Variants in NUP62CL observed in about 807,000 individuals in gnomAD.
NUP62CL encodes the protein nucleoporin 62 C-terminal like.
Under a neutral mutation model 15.3 loss-of-function variants are expected in NUP62CL, and 13 were observed. The ratio of observed to expected loss-of-function variants is 0.85; its 90% CI spans 0.55 to 1.35. The LOEUF (loss-of-function observed/expected upper bound fraction) is 1.35, where lower values mean the gene tolerates loss of function less well. NUP62CL is among the 40% of genes most tolerant of loss of function. The pLI is 0.00. For missense variants in NUP62CL, 123 were observed against 130.6 expected (o/e 0.94, Z 0.28); for synonymous variants, 54 against 49.2 (o/e 1.10, Z -0.41).
chrX:107,126,849 C>A (rs754406464), intron 8 of NUP62CL, among the ~76,000 whole-genome samples: 3 of 111,799 alleles, frequency 2.7e-5, no homozygotes, highest in African/African-American at 9.8e-5. Context: ...GCCTGGCCAA[C>A]CTTGTGAAAC....
intron 8 of NUP62CL, among the ~76,000 whole-genome samples, chrX:107,139,895 A>G (rs778352975): frequency 8.9e-6 from 1 of 111,991 alleles, no homozygotes; most frequent in African/African-American, 3.2e-5. Context: ...CTCACTACTC[A>G]TAGATTCTTT....
intron 8 of NUP62CL, among the ~76,000 whole-genome samples, chrX:107,143,354 G>T (rs1905301942): frequency 9.1e-6 from 1 of 110,445 alleles, no homozygotes; most frequent in African/African-American, 3.3e-5. Flanking sequence ...CCAAGTAGCT[G>T]GAACCACAGG....
chrX:107,135,751 G>A (rs899547721), intron 8 of NUP62CL, among the ~76,000 whole-genome samples: 6 of 111,508 alleles, frequency 5.4e-5, no homozygotes, highest in African/African-American at 2.0e-4. Flanking sequence ...CTTAGGCATG[G>A]TTTCACTTTA....
chrX:107,156,779 A>G lies in NUP62CL; in HGVS notation c.195-2533T>C, dbSNP rs750929418. Among the ~76,000 whole-genome samples the G allele has an allele frequency of 7.4e-5, 8 of 107,749 alleles. No individual in the cohort carries two copies. The South Asian group carries it at 3.5e-3, about 47-fold the overall frequency. The allele number at this position is 107,749 out of a possible 115,157, so 93.6% of individuals were successfully genotyped here. A position where few individuals can be genotyped will look rare whatever the true frequency, so the allele number is the denominator to read the frequency against. ...CCAGCAACGGAACAAAGCTGGATGG[A>G]GAATGATTTTGACGAGCTGAGAGGA... is the stretch of plus-strand genomic sequence containing the variant. On this transcript the variant is annotated intron_variant, in intron 4 of 8. Transcript: ENST00000372466.
chrX:107,150,246 G>T (rs1925978485), intron 7 of NUP62CL, among the ~76,000 whole-genome samples: 1 of 111,281 alleles, frequency 9.0e-6, no homozygotes, highest in Non-Finnish European at 1.9e-5. Flanking sequence ...AGAATGAACT[G>T]GCTAGTAAGT....
At chrX:107,184,309 AAGAAAG>A (rs1373968925) in intron 2 of NUP62CL, among the ~76,000 whole-genome samples, 9 of 33,920 alleles carry the variant, frequency 2.7e-4, no homozygotes, top group African/African-American at 1.4e-3. Flanking sequence ...GAAAGAAAGA[AAGAAAG>A]AAAGAAAGAA....
chrX:107,191,924 A>C (rs191043098), intron 2 of NUP62CL, among the ~76,000 whole-genome samples: 91 of 112,078 alleles, frequency 8.1e-4, no homozygotes, highest in Admixed American at 2.7e-3. Context: ...TTAATATTTA[A>C]ATTAATCCTC....
At chrX:107,160,915 G>T (rs1481873239) in intron 4 of NUP62CL, among the ~76,000 whole-genome samples, 15 of 108,085 alleles carry the variant, frequency 1.4e-4, no homozygotes, top group Admixed American at 6.9e-4. Context: ...AATCTACAAT[G>T]AACTCAAACA....
chrX:107,131,811 T>C, intron 8 of NUP62CL: 1 of 1,132,679 alleles, frequency 8.8e-7, no homozygotes, highest in Non-Finnish European at 1.2e-6. Flanking sequence ...TGGACAGCTG[T>C]GTCTTTGCTG....
chrX:107,154,723 C>A (rs979790138), intron 4 of NUP62CL, among the ~76,000 whole-genome samples: 1 of 111,618 alleles, frequency 9.0e-6, no homozygotes, highest in Non-Finnish European at 1.9e-5. Flanking sequence ...CAAGTGGTAT[C>A]AAAAAAGGCT....
At chrX:107,156,878 G>GA (rs1266667767) in intron 4 of NUP62CL, among the ~76,000 whole-genome samples, 1 of 93,697 alleles carries the variant, frequency 1.1e-5, no homozygotes, top group Non-Finnish European at 2.1e-5. Flanking sequence ...TGAAAACTTT[G>GA]AAAAAAATTT....
At chrX:107,194,910 G>T (rs968826847) in intron 1 of NUP62CL, among the ~76,000 whole-genome samples, 7 of 99,861 alleles carry the variant, frequency 7.0e-5, no homozygotes, top group Admixed American at 2.3e-4. Flanking sequence ...TCCGCGTCCC[G>T]GATTCAAGCA....
chrX:107,140,273 T>A (rs1925736445), intron 8 of NUP62CL, among the ~76,000 whole-genome samples: 1 of 111,999 alleles, frequency 8.9e-6, no homozygotes, highest in African/African-American at 3.2e-5. Context: ...TATTCAAGTC[T>A]CATTTCAAAT....
chrX:107,174,248 C>T (rs1361385700), intron 3 of NUP62CL, among the ~76,000 whole-genome samples: 1 of 105,399 alleles, frequency 9.5e-6, no homozygotes, highest in Non-Finnish European at 1.9e-5. Flanking sequence ...ACCTCCTGGG[C>T]TCAAGCAATC....
intron 1 of NUP62CL, among the ~76,000 whole-genome samples, chrX:107,195,442 A>G (rs1207974089): frequency 8.9e-6 from 1 of 112,071 alleles, no homozygotes; most frequent in African/African-American, 3.2e-5. Context: ...CTGTGCATGC[A>G]GGAACAACTA....
intron 4 of NUP62CL, among the ~76,000 whole-genome samples, chrX:107,154,545 C>G: frequency 8.9e-6 from 1 of 111,964 alleles, no homozygotes; most frequent in Non-Finnish European, 1.9e-5. Flanking sequence ...TCCCCTCATC[C>G]CAGCTCAGCA....
At position 107,172,698 on chromosome X, in the gene NUP62CL, G is replaced by GA. The variant is rs749785098; in HGVS notation, c.58+2390dup. On this transcript the variant is annotated intron_variant, in intron 3 of 8. Transcript: ENST00000372466. ...GTCAAAACTTAAATTAACTTTTAGA[G>GA]AAAAAAAAAACTTTATCAGTCTCAA... 6.8e-3 allele frequency among the ~76,000 whole-genome samples: 724 copies of GA among 107,125 alleles called. 5 individuals carry two copies. The highest frequency in any genetic ancestry group is 0.011 in the African/African-American group (326 of 29,695). The allele number at this position is 107,125 out of a possible 115,157, so 93.0% of individuals were successfully genotyped here. A position where few individuals can be genotyped will look rare whatever the true frequency, so the allele number is the denominator to read the frequency against.
intron 2 of NUP62CL, among the ~76,000 whole-genome samples, chrX:107,189,885 G>GAA (rs1556028793): frequency 6.3e-5 from 4 of 63,777 alleles, no homozygotes; most frequent in Non-Finnish European, 1.2e-4. Context: ...AGAAAAGAAA[G>GAA]AAAGAAAGAA....
chrX:107,201,304 C>T (rs948258206), intron 1 of NUP62CL, among the ~76,000 whole-genome samples: 7 of 111,191 alleles, frequency 6.3e-5, no homozygotes, highest in Non-Finnish European at 1.3e-4. Flanking sequence ...GTTGACAAAA[C>T]TTTTTCATCA....
Sources: allele counts gnomAD v4.1 joint callset (sites outside exome capture counted in the v4.1 genomes callset), GRCh38; gene constraint gnomAD v4.1.1; transcripts MANE v1.5; gene names NCBI Gene and HGNC (gene_info 2026-07-23, HGNC 2026-07-21).